GOLGA8H: variants seen among roughly 807,000 people sequenced by gnomAD.
GOLGA8H encodes golgin A8 family member H.
A neutral mutation model predicts 82.7 loss-of-function variants in GOLGA8H; 47 were observed. That is an observed-to-expected ratio of 0.57 (90% confidence interval 0.45 to 0.73). The LOEUF is 0.73. GOLGA8H is among the 30% of genes least tolerant of loss of function. GOLGA8H has a pLI of 0.00. For missense variants in GOLGA8H, 372 were observed against 661.0 expected, an observed-to-expected ratio of 0.56 and a Z score of 4.79; for synonymous variants, 108 against 241.6, an observed-to-expected ratio of 0.45 and a Z score of 5.13.
Position 30,608,673 on chromosome 15 carries a change from C to G in GOLGA8H, c.508C>G (p.Leu170Val). Residue 170 changes from leucine (L) to valine (V), a missense_variant, in exon 8 of 19, where the codon CTG (leucine) becomes GTG (valine). Transcript: ENST00000566740. ...AAAGTCCAAGGATCTGGCTGTCTGCCTGCAACATTCATTGCAGCGTAAAGG... is the reference window on the plus strand; with the variant it reads ...AAAGTCCAAGGATCTGGCTGTCTGCGTGCAACATTCATTGCAGCGTAAAGG... ...EEKSKDLAVC[L>V]QHSLQRKGEL... The G allele has an allele frequency of 6.6e-7, 1 of 1,509,060 alleles. No individual in the cohort carries two copies. Among genetic ancestry groups the G allele is most frequent in the South Asian group, 1.1e-5 (1 of 89,714 alleles). The allele number at this position is 1,509,060 out of a possible 1,614,324, so 93.5% of individuals were successfully genotyped here.
chr15:30,606,183 T>C (rs1432857302), intron 2 of GOLGA8H, among the ~76,000 whole-genome samples: 2 of 151,460 alleles, frequency 1.3e-5, no homozygotes, highest in Non-Finnish European at 2.9e-5. Context: ...TGAAACCCTG[T>C]CTCTACTAAA....
At chr15:30,609,031 G>T (rs1431360388) in intron 8 of GOLGA8H, among the ~76,000 whole-genome samples, 1 of 134,790 alleles carries the variant, frequency 7.4e-6, no homozygotes, top group Non-Finnish European at 1.6e-5. Flanking sequence ...GCAAGTCCTA[G>T]GTGGGGTATT....
chr15:30,604,303 T>C (rs2059897155), intron 1 of GOLGA8H, 130 bp downstream of exon 1: 30 of 1,515,246 alleles, frequency 2.0e-5, no homozygotes, highest in Middle Eastern at 4.7e-4. Flanking sequence ...GCCTCTGGGC[T>C]ACCCCCATCA....
At position 30,608,547 on chromosome 15, in the gene GOLGA8H, T is replaced by C; in HGVS notation, c.477T>C (p.Phe159=). The C allele has an allele frequency of 1.2e-6, 2 of 1,610,272 alleles. No homozygotes were observed. Among genetic ancestry groups the C allele is most frequent in the Non-Finnish European group, 1.7e-6 (2 of 1,179,494 alleles). ...ACATGAAACGTTCTCTCAGATACTT[T>C]GAAGGTGGGAATCTGGGCACCCTGT... The part of the protein sequence containing the change: ...LYHMKRSLRY[F]EEKSKDLAVC... The change falls in exon 7 of 19, where the codon TTT becomes TTC. Residue 159 remains phenylalanine (F), a synonymous_variant. Transcript: ENST00000566740.
intron 13 of GOLGA8H, 63 bp from the exon 14 acceptor site, chr15:30,612,534 T>C: frequency 6.8e-7 from 1 of 1,467,302 alleles, no homozygotes; most frequent in Non-Finnish European, 9.2e-7. Flanking sequence ...CTGCTGAGGA[T>C]GGGGCTGTGA....
intron 13 of GOLGA8H, among the ~76,000 whole-genome samples, chr15:30,611,750 T>C (rs1344126948): frequency 1.2e-5 from 1 of 81,770 alleles, no homozygotes; most frequent in Admixed American, 1.0e-4. Context: ...CTACTAAAAT[T>C]ACAAAAAAAA....
intron 11 of GOLGA8H, among the ~76,000 whole-genome samples, 168 bp from the exon 12 acceptor site, chr15:30,610,598 G>T (rs946741511): frequency 2.7e-5 from 4 of 150,334 alleles, no homozygotes; most frequent in Admixed American, 6.6e-5. Flanking sequence ...CCAGCCACCC[G>T]CAGTGCTCTT....
intron 8 of GOLGA8H, 110 bp from the exon 9 acceptor site, chr15:30,609,696 A>G (rs2059985233): frequency 6.9e-7 from 1 of 1,441,916 alleles, no homozygotes; most frequent in South Asian, 1.2e-5. Flanking sequence ...AAATGCCTTG[A>G]TCTTTACTGA....
rs2059988789 is a variant in GOLGA8H, at chr15:30,609,851, T to C, written c.637T>C (p.Ser213Pro). 1 of 1,601,786 alleles carries C rather than the reference T, an allele frequency of 6.2e-7. No individual in the cohort carries two copies. The highest frequency in any genetic ancestry group is 1.4e-5 in the African/African-American group (1 of 74,016). ...KARTEWKLEQ[S>P]MREEALLKVQ... ...ACGTACGGAGTGGAAGTTAGAGCAG[T>C]CCATGCGGGAGGAGGCACTACTGAA... The change falls in exon 9 of 19, where the codon TCC becomes CCC. Residue 213 changes from serine to proline, a missense_variant. By Grantham distance (74) the Ser-to-Pro change is moderately conservative. Coordinates refer to ENST00000566740, the MANE Select transcript of GOLGA8H (RefSeq NM_001282490.2).
In GOLGA8H at chr15:30,609,985, G is replaced by A; in HGVS notation, c.679-14G>A. 6.2e-7 allele frequency: 1 copy of A among 1,610,662 alleles called. No individual in the cohort carries two copies. The highest frequency in any genetic ancestry group is 8.5e-7 in the Non-Finnish European group (1 of 1,179,170). ...AGTGACAGCCCTTCCTAAGTTCTGT[G>A]CCCATTCTTGCAGTTGAAGGAGTCA... On this transcript the variant is annotated splice_polypyrimidine_tract_variant and intron_variant, in intron 9 of 18. Transcript: ENST00000566740.
Position 30,608,557 on chromosome 15 carries a change from A to T in GOLGA8H, c.481+6A>T. On this transcript the variant is annotated splice_donor_region_variant and intron_variant, in intron 7 of 18. Coordinates refer to ENST00000566740, the MANE Select transcript of GOLGA8H (RefSeq NM_001282490.2). Reference sequence around the variant, plus strand: ...TTCTCTCAGATACTTTGAAGGTGGGAATCTGGGCACCCTGTCATCCTTCAA... The same window carrying T: ...TTCTCTCAGATACTTTGAAGGTGGGTATCTGGGCACCCTGTCATCCTTCAA... 1 of 1,609,428 alleles carries T rather than the reference A, an allele frequency of 6.2e-7. No individual in the cohort carries two copies. The highest frequency in any genetic ancestry group is 2.2e-5 in the East Asian group (1 of 44,776).
Position 30,614,609 on chromosome 15 carries a change from C to G in GOLGA8H, c.*48C>G. ...GCTCAAGAAATTTTTAAATAAGAAA[C>G]CAAGTTATGGGGTTAATCTCCTACA... is the stretch of plus-strand genomic sequence containing the variant. On this transcript the variant is annotated 3_prime_UTR_variant, in exon 19 of 19. Coordinates refer to ENST00000566740, the MANE Select transcript of GOLGA8H (RefSeq NM_001282490.2). The G allele has an allele frequency of 2.0e-6, 3 of 1,530,184 alleles. No homozygotes were observed. Among genetic ancestry groups the G allele is most frequent in the South Asian group, 2.3e-5 (2 of 87,676 alleles). 94.8% of individuals were successfully genotyped at this position (1,530,184 alleles called of 1,614,324 possible).
intron 10 of GOLGA8H, 98 bp downstream of exon 10, chr15:30,610,204 G>C: frequency 1.3e-6 from 2 of 1,518,896 alleles, no homozygotes; most frequent in South Asian, 1.1e-5. Flanking sequence ...GTGGTCATGG[G>C]TCTGGGCTTT....
Position 30,605,943 on chromosome 15 carries a change from G to A in GOLGA8H, c.149G>A (p.Gly50Asp). The part of the protein sequence containing the change: ...GSVPEKATSG[G>D]CQPPGDSATG... ...GTCCCTGAGAAAGCCACTTCTGGTGGTTGCCAGCCACCTGGGGATGTGAGT... is the reference window on the plus strand; with the variant it reads ...GTCCCTGAGAAAGCCACTTCTGGTGATTGCCAGCCACCTGGGGATGTGAGT... The change falls in exon 2 of 19, where the codon GGT becomes GAT. Residue 50 changes from glycine to aspartate, a missense_variant. Gly to Asp is a moderately conservative substitution (Grantham distance 94, BLOSUM62 -1). Transcript: ENST00000566740. 1 of 1,596,908 alleles carries A rather than the reference G, an allele frequency of 6.3e-7. No homozygotes were observed. Among genetic ancestry groups the A allele is most frequent in the Non-Finnish European group, 8.5e-7 (1 of 1,177,396 alleles).
At chr15:30,608,980 G>A (rs1347998216) in intron 8 of GOLGA8H, among the ~76,000 whole-genome samples, 3 of 117,948 alleles carry the variant, frequency 2.5e-5, no homozygotes, top group African/African-American at 7.1e-5. Flanking sequence ...AGAGCTTGGA[G>A]GCCAAATGCC....
At position 30,609,971 on chromosome 15, in the gene GOLGA8H, T is replaced by G. The variant is rs771828878; in HGVS notation, c.679-28T>G. Reference sequence around the variant, plus strand: ...AGCAGGTGAGGACCAGTGACAGCCCTTCCTAAGTTCTGTGCCCATTCTTGC... The same window carrying G: ...AGCAGGTGAGGACCAGTGACAGCCCGTCCTAAGTTCTGTGCCCATTCTTGC... On this transcript the variant is annotated intron_variant, in intron 9 of 18. Transcript: ENST00000566740. 2.1e-4 allele frequency: 338 copies of G among 1,608,722 alleles called. 2 individuals are homozygous for G. Among genetic ancestry groups the G allele is most frequent in the Non-Finnish European group, 2.6e-4 (311 of 1,177,736 alleles).
rs556165078 is a variant in GOLGA8H at position 30,612,475 on chromosome 15, G to A, written c.1201-122G>A. 285 of 1,259,118 alleles carry A rather than the reference G, an allele frequency of 2.3e-4. 3 individuals carry two copies. In the African/African-American group the frequency reaches 3.1e-3, roughly 14 times the overall value. The allele number at this position is 1,259,118 out of a possible 1,614,324, so 78.0% of individuals were successfully genotyped here. A position where few individuals can be genotyped will look rare whatever the true frequency, so the allele number is the denominator to read the frequency against. On this transcript the variant is annotated intron_variant, in intron 13 of 18. Transcript: ENST00000566740. ...AGCAGCAGGAAGCTTGGGGCAAAGC[G>A]GTGGCTGAGATGGCCTGCCAAAAGT...
In GOLGA8H at chr15:30,614,959, A is replaced by T. The variant is rs1279095545; in HGVS notation, c.*398A>T. On this transcript the variant is annotated 3_prime_UTR_variant, in exon 19 of 19. Transcript: ENST00000566740. The stretch of plus-strand genomic sequence containing the variant: ...CATGTACATTCACTACAGAATTCAG[A>T]CAAAATTTGCCTATGTTCTGCTGTT... Among the ~76,000 whole-genome samples the T allele has an allele frequency of 1.3e-5, 2 of 151,848 alleles. No individual in the cohort carries two copies. Among genetic ancestry groups the T allele is most frequent in the Non-Finnish European group, 2.9e-5 (2 of 67,950 alleles).
intron 1 of GOLGA8H, 26 bp from the exon 2 acceptor site, chr15:30,605,817 A>T (rs1271853113): frequency 3.8e-6 from 6 of 1,591,432 alleles, no homozygotes; most frequent in Non-Finnish European, 5.1e-6. Flanking sequence ...GGTTCTCATG[A>T]GTATTACTGC....
Sources: gnomAD v4.1 joint callset for allele counts (sites outside exome capture counted in the v4.1 genomes callset) on GRCh38, gnomAD v4.1.1 for gene constraint, MANE v1.5 for transcripts, NCBI Gene and HGNC (gene_info 2026-07-23, HGNC 2026-07-21) for gene names.